MAGI2: variants seen among roughly 807,000 people sequenced by gnomAD.
The protein encoded by MAGI2 is membrane-associated guanylate kinase, WW and PDZ domain-containing protein 2.
A neutral mutation model predicts 133.3 loss-of-function variants in MAGI2; 35 were observed. That is an observed-to-expected ratio of 0.26 (90% CI 0.20 to 0.35). The LOEUF (loss-of-function observed/expected upper bound fraction) is 0.35, where lower values mean the gene tolerates loss of function less well. MAGI2 is among the 10% of genes least tolerant of loss of function. The pLI is 1.00. For synonymous variants in MAGI2, 729 were observed against 710.6 expected, an observed-to-expected ratio of 1.03 and a Z score of -0.41; for missense variants, 1,636 against 1,863.4, an observed-to-expected ratio of 0.88 and a Z score of 2.25.
chr7:78,760,094 C>T (rs1011577047), intron 2 of MAGI2, among the ~76,000 whole-genome samples: 1 of 151,062 alleles, frequency 6.6e-6, no homozygotes, highest in African/African-American at 2.4e-5. Flanking sequence ...CCAGCCTGGG[C>T]AACAGAGCGA....
chr7:78,904,743 T>A (rs1797874087), intron 2 of MAGI2, among the ~76,000 whole-genome samples: 1 of 152,156 alleles, frequency 6.6e-6, no homozygotes, highest in South Asian at 2.1e-4. Context: ...CCTCAAGCAA[T>A]CCACCTGCTT....
At chr7:78,952,697 C>A (rs1265543014) in intron 2 of MAGI2, among the ~76,000 whole-genome samples, 1 of 152,126 alleles carries the variant, frequency 6.6e-6, no homozygotes, top group Non-Finnish European at 1.5e-5. Flanking sequence ...CCTTCAGCTA[C>A]CTAGAAAATT....
intron 1 of MAGI2, among the ~76,000 whole-genome samples, chr7:79,345,429 G>A (rs922538909): frequency 6.6e-6 from 1 of 152,006 alleles, no homozygotes; most frequent in African/African-American, 2.4e-5. Context: ...CTCTAGAACA[G>A]TGAGAAAATA....
rs186896605 is a variant in MAGI2, at chr7:78,674,545, T to A, written c.419-47306A>T. Among the ~76,000 whole-genome samples, 147 of 152,268 alleles carry A rather than the reference T, an allele frequency of 9.7e-4. 1 individual carries two copies. Among genetic ancestry groups the A allele is most frequent in the Non-Finnish European group, 1.1e-3 (77 of 68,002 alleles). ...CTTCTATTGGGCAAGTTATATAATG[T>A]GTAATTTTTAATATTTTGTCTACCT... On this transcript the variant is annotated intron_variant, in intron 2 of 21. Transcript: ENST00000354212.
chr7:78,074,782 T>C (rs1359146356), intron 21 of MAGI2, among the ~76,000 whole-genome samples: 2 of 152,228 alleles, frequency 1.3e-5, no homozygotes, highest in Admixed American at 6.5e-5. Flanking sequence ...TATAATCTAT[T>C]TGATGCTGGA....
chr7:78,659,766 C>T (rs893690696), intron 2 of MAGI2, among the ~76,000 whole-genome samples: 10 of 152,052 alleles, frequency 6.6e-5, no homozygotes, highest in African/African-American at 1.7e-4. Context: ...TATTGTTTTG[C>T]AAGATGTTAT....
Position 79,416,975 on chromosome 7 carries a change from G to T in MAGI2, c.301+36045C>A, listed in dbSNP as rs564264732. Among the ~76,000 whole-genome samples, 12 of 151,746 alleles carry T rather than the reference G, an allele frequency of 7.9e-5. No individual in the cohort carries two copies. In the East Asian group the frequency reaches 2.1e-3, roughly 27 times the overall value. On this transcript the variant is annotated intron_variant, in intron 1 of 21. Transcript: ENST00000354212. ...TCTCTTACTCCGGATCTTGTGATCT[G>T]CCCACCTCAGCCTCCCAAAGTGCTG...
intron 2 of MAGI2, among the ~76,000 whole-genome samples, chr7:78,638,322 GATTTC>G (rs1809898365): frequency 2.0e-5 from 3 of 152,176 alleles, no homozygotes; most frequent in Admixed American, 2.0e-4. Context: ...CAAAGTGAAT[GATTTC>G]ATTTATTCAT....
At chr7:78,823,580 C>CAAAAAA (rs1166858938) in intron 2 of MAGI2, among the ~76,000 whole-genome samples, 8 of 91,858 alleles carry the variant, frequency 8.7e-5, no homozygotes, top group African/African-American at 1.7e-4. Flanking sequence ...GACTCCGTCT[C>CAAAAAA]AAAAAAAAAA....
At chr7:78,452,404 A>G (rs1470135721) in intron 6 of MAGI2, among the ~76,000 whole-genome samples, 1 of 152,050 alleles carries the variant, frequency 6.6e-6, no homozygotes, top group African/African-American at 2.4e-5. Context: ...GTATGAAGAC[A>G]GGCTATTATT....
chr7:79,115,935 AT>A (rs1302372683), intron 1 of MAGI2, among the ~76,000 whole-genome samples: 2 of 148,932 alleles, frequency 1.3e-5, no homozygotes, highest in African/African-American at 2.6e-5. Flanking sequence ...AGGTCTTAAC[AT>A]AAAACACCAT....
chr7:79,148,256 C>T (rs1008697988), intron 1 of MAGI2, among the ~76,000 whole-genome samples: 1 of 152,074 alleles, frequency 6.6e-6, no homozygotes, highest in African/African-American at 2.4e-5. Context: ...CTTTGGTGAA[C>T]CTTGTTAGGA....
Position 78,310,498 on chromosome 7 carries a change from T to C in MAGI2, c.1408+33280A>G, listed in dbSNP as rs543172131. Among the ~76,000 whole-genome samples the C allele has an allele frequency of 1.3e-4, 20 of 152,286 alleles. No individual in the cohort carries two copies. In the South Asian group the frequency reaches 3.7e-3, roughly 28 times the overall value. Reference sequence around the variant, plus strand: ...GCTATTCTCGGTTATTTAATAATTATTGATACAGTTGATTTTTTAAAATTC... The same window carrying C: ...GCTATTCTCGGTTATTTAATAATTACTGATACAGTTGATTTTTTAAAATTC... On this transcript the variant is annotated intron_variant, in intron 9 of 21. Coordinates refer to ENST00000354212, the MANE Select transcript of MAGI2 (RefSeq NM_012301.4).
chr7:78,106,601 T>C (rs1818717693), intron 20 of MAGI2, among the ~76,000 whole-genome samples: 1 of 152,222 alleles, frequency 6.6e-6, no homozygotes, highest in Admixed American at 6.5e-5. Flanking sequence ...ATTTCTCTGA[T>C]GATTAATGAT....
At chr7:78,033,472 CAAAAAAAAA>C (rs199985014) in intron 21 of MAGI2, among the ~76,000 whole-genome samples, 194 of 132,272 alleles carry the variant, frequency 1.5e-3, no homozygotes, top group African/African-American at 2.4e-3. Flanking sequence ...GAGCTTGTCT[CAAAAAAAAA>C]AAAAAAAAAA....
At chr7:78,299,581 T>G (rs1000760130) in intron 9 of MAGI2, among the ~76,000 whole-genome samples, 1 of 152,152 alleles carries the variant, frequency 6.6e-6, no homozygotes, top group African/African-American at 2.4e-5. Context: ...GTGATTTTTT[T>G]TGGGGTTGCC....
chr7:79,137,819 A>G (rs1299886312), intron 1 of MAGI2, among the ~76,000 whole-genome samples: 1 of 151,948 alleles, frequency 6.6e-6, no homozygotes, highest in African/African-American at 2.4e-5. Flanking sequence ...ACCCCACAAC[A>G]TATGTCTATG....
intron 10 of MAGI2, among the ~76,000 whole-genome samples, chr7:78,240,637 G>C (rs1053313464): frequency 1.3e-5 from 2 of 152,164 alleles, no homozygotes; most frequent in African/African-American, 4.8e-5. Flanking sequence ...GGCTGGGATG[G>C]TTGTGGGGCT....
chr7:78,827,238 A>G (rs1285877522), intron 2 of MAGI2, among the ~76,000 whole-genome samples: 5 of 152,146 alleles, frequency 3.3e-5, no homozygotes, highest in South Asian at 2.1e-4. Flanking sequence ...ATTCTTAATA[A>G]AAGGAACCAG....
Sources: gnomAD v4.1 joint callset for allele counts (sites outside exome capture counted in the v4.1 genomes callset) on GRCh38, gnomAD v4.1.1 for gene constraint, MANE v1.5 for transcripts, NCBI Gene and HGNC (gene_info 2026-07-23, HGNC 2026-07-21) for gene names.